Variants in PNPLA6 observed in about 807,000 individuals in gnomAD.
PNPLA6 encodes the protein patatin-like phospholipase domain-containing protein 6.
In PNPLA6, 105 loss-of-function variants were observed where a neutral mutation model predicts 153.7. The ratio of observed to expected loss-of-function variants is 0.68; its 90% CI spans 0.58 to 0.80. The LOEUF is 0.80. PNPLA6 is among the 30% of genes least tolerant of loss of function. PNPLA6 has a pLI of 0.00. For synonymous variants in PNPLA6, 825 were observed against 822.2 expected (o/e 1.00, Z -0.06); for missense variants, 1,423 against 1,919.3 (o/e 0.74, Z 4.83).
At chr19:7,548,948 G>A (rs546900038) in intron 13 of PNPLA6, among the ~76,000 whole-genome samples, 2 of 149,902 alleles carry the variant, frequency 1.3e-5, no homozygotes, top group Non-Finnish European at 3.0e-5. Context: ...GACTACAGGC[G>A]CCCGCCACCA....
intron 17 of PNPLA6, 81 bp downstream of exon 17, chr19:7,551,188 G>C (rs2023631878): frequency 1.2e-6 from 1 of 858,934 alleles, no homozygotes. Flanking sequence ...TGTGGGCGGG[G>C]CTTACAGAGG....
At chr19:7,534,513 T>A (rs528151512), upstream of PNPLA6, 21 of 155,322 alleles carry the variant, frequency 1.4e-4, no homozygotes, top group African/African-American at 4.8e-4. Context: ...ATTCTAGCGA[T>A]GTCAGAAACA....
At chr19:7,538,446 G>A (rs1407529890) in intron 3 of PNPLA6, among the ~76,000 whole-genome samples, 3 of 152,142 alleles carry the variant, frequency 2.0e-5, no homozygotes, top group Non-Finnish European at 2.9e-5. Flanking sequence ...GCCTCCCAAA[G>A]TGCTGGTATT....
At position 7,558,828 on chromosome 19, in the gene PNPLA6, G is replaced by A. The variant is rs373411790; in HGVS notation, c.3398-22G>A. The A allele has an allele frequency of 5.5e-5, 87 of 1,594,252 alleles. No homozygotes were observed. The African/African-American group carries it at 6.4e-4, about 12-fold the overall frequency. ...CCCGGGCCCCCGAGGGGAGCAGCCCGCTGACCCCCCTGGCCCCACAGCGGA... is the reference window on the plus strand; with the variant it reads ...CCCGGGCCCCCGAGGGGAGCAGCCCACTGACCCCCCTGGCCCCACAGCGGA... On this transcript the variant is annotated intron_variant, in intron 27 of 31. Coordinates refer to ENST00000600737, the MANE Select transcript of PNPLA6 (RefSeq NM_001166114.2).
rs1465310801 is a variant in PNPLA6, at chr19:7,541,868, G to A, written c.1169-116G>A. 3.6e-6 allele frequency: 4 copies of A among 1,120,428 alleles called. No homozygotes were observed. Among genetic ancestry groups the A allele is most frequent in the Non-Finnish European group, 5.3e-6 (4 of 749,932 alleles). 69.4% of individuals were successfully genotyped at this position (1,120,428 alleles called of 1,614,324 possible). Reference sequence around the variant, plus strand: ...AGGAAGCTGTGGCCTCGTCCCCAAGGGCCCATTGGAATTGCTTTAACTAGT... The same window carrying A: ...AGGAAGCTGTGGCCTCGTCCCCAAGAGCCCATTGGAATTGCTTTAACTAGT... On this transcript the variant is annotated intron_variant, in intron 9 of 31. Transcript: ENST00000600737. The surrounding 1 kb of genome is among the most constrained non-coding windows in gnomAD (Gnocchi z 5.2).
At chr19:7,557,604 T>A in intron 27 of PNPLA6, 1 of 382,724 alleles carries the variant, frequency 2.6e-6, no homozygotes, top group East Asian at 6.4e-5. Context: ...GCCAACATGG[T>A]GAAACCCCGT....
upstream of PNPLA6, chr19:7,535,285 C>A (rs946911604): frequency 1.5e-5 from 9 of 595,582 alleles, no homozygotes; most frequent in Non-Finnish European, 2.4e-5. This position sits in a 1 kb window ranked among gnomAD's most constrained non-coding sequence, Gnocchi z 5.0. Flanking sequence ...GCGAAGGGAG[C>A]AGGAAGCCGG....
rs1398169936 is a variant in PNPLA6, at chr19:7,536,184, T to TC, written c.233-3dup. ...CTCGGAGTGCCCCTGTCCCCACCTATCCCCAGAAACCCCAGCCCCGGATGG... is the reference window on the plus strand; with the variant it reads ...CTCGGAGTGCCCCTGTCCCCACCTATCCCCCAGAAACCCCAGCCCCGGATGG... On this transcript the variant is annotated splice_polypyrimidine_tract_variant and splice_region_variant and intron_variant, in intron 1 of 31. Transcript: ENST00000600737. 3 of 1,601,628 alleles carry TC rather than the reference T, an allele frequency of 1.9e-6. No homozygotes were observed. Among genetic ancestry groups the TC allele is most frequent in the Non-Finnish European group, 2.6e-6 (3 of 1,168,922 alleles).
intron 27 of PNPLA6, among the ~76,000 whole-genome samples, chr19:7,558,611 G>A (rs558322188): frequency 2.0e-5 from 3 of 152,264 alleles, no homozygotes; most frequent in South Asian, 2.1e-4. Context: ...CAGCCTGGGC[G>A]ACAGAGTGAG....
At chr19:7,556,893 GT>G in intron 26 of PNPLA6, 169 bp downstream of exon 26, 1 of 702,154 alleles carries the variant, frequency 1.4e-6, no homozygotes, top group East Asian at 2.7e-5. Flanking sequence ...GAGACCCCAG[GT>G]ACGTCCGTCC....
rs2023076431 is a variant in PNPLA6 at position 7,540,392 on chromosome 19, TTTGG to T, written c.714+85_714+88del. On this transcript the variant is annotated intron_variant, in intron 5 of 31. Coordinates refer to ENST00000600737, the MANE Select transcript of PNPLA6 (RefSeq NM_001166114.2). This position sits in a 1 kb window ranked among gnomAD's most constrained non-coding sequence, Gnocchi z 6.8. ...GCATTGGTCTGTAGAGCTGGTGGTCTTTGGAGATGCGTCATCGGGAGTCAGGGGA... is the reference window on the plus strand; with the variant it reads ...GCATTGGTCTGTAGAGCTGGTGGTCTAGATGCGTCATCGGGAGTCAGGGGA... 8.3e-6 allele frequency: 12 copies of T among 1,444,678 alleles called. No homozygotes were observed. In the East Asian group the frequency reaches 2.5e-4, roughly 31 times the overall value. The allele number at this position is 1,444,678 out of a possible 1,614,324, so 89.5% of individuals were successfully genotyped here.
Position 7,554,700 on chromosome 19 carries a change from G to C in PNPLA6, c.2611G>C (p.Asp871His), listed in dbSNP as rs745522251. ...CTGCATCCTCATTGTGGGCCTGGGG[G>C]ACCAGGAGCCTACCCTCGGCCAGGT... is the stretch of plus-strand genomic sequence containing the variant. The part of the protein sequence containing the change: ...ADCILIVGLG[D>H]QEPTLGQLEQ... The change falls in exon 21 of 32, where the codon GAC (aspartate) becomes CAC (histidine). Residue 871 changes from aspartate (D) to histidine (H), a missense_variant. Coordinates refer to ENST00000600737, the MANE Select transcript of PNPLA6 (RefSeq NM_001166114.2). The C allele has an allele frequency of 1.9e-6, 3 of 1,613,548 alleles. No individual in the cohort carries two copies. Among genetic ancestry groups the C allele is most frequent in the Non-Finnish European group, 2.5e-6 (3 of 1,179,970 alleles).
rs1297387632 is a variant in PNPLA6 at position 7,558,700 on chromosome 19, T to C, written c.3398-150T>C. On this transcript the variant is annotated intron_variant, in intron 27 of 31. Transcript: ENST00000600737. ...ACTTCAGTTGCATCATTTGCACGTC[T>C]GTGCATGACAGCATGGTGTTTGCAT... 3 of 640,588 alleles carry C rather than the reference T, an allele frequency of 4.7e-6. No homozygotes were observed. In the African/African-American group the frequency reaches 5.5e-5, roughly 12 times the overall value. 39.7% of individuals were successfully genotyped at this position (640,588 alleles called of 1,614,324 possible).
chr19:7,543,109 C>A, intron 13 of PNPLA6, 25 bp downstream of exon 13: 1 of 1,594,502 alleles, frequency 6.3e-7, no homozygotes, highest in Non-Finnish European at 8.6e-7. Context: ...TGACCTGTAA[C>A]CATGCCACCT....
intron 13 of PNPLA6, among the ~76,000 whole-genome samples, chr19:7,543,820 T>C (rs1298613004): frequency 6.6e-6 from 1 of 151,558 alleles, no homozygotes; most frequent in Non-Finnish European, 1.5e-5. Flanking sequence ...TTTCTTTTTT[T>C]TTTTTTTTGA....
Position 7,554,627 on chromosome 19 carries a change from G to C in PNPLA6, c.2538G>C (p.Thr846=). Reference sequence around the variant, plus strand: ...CACACCGTATCGTACTCTACCAGACGGACGCCTCGCTGACGCCCTGGACCG... The same window carrying C: ...CACACCGTATCGTACTCTACCAGACCGACGCCTCGCTGACGCCCTGGACCG... ...EDAHRIVLYQ[T]DASLTPWTVR... is the part of the protein sequence containing the mutation. Residue 846 remains threonine, a synonymous_variant, in exon 21 of 32, where the codon ACG becomes ACC. Transcript: ENST00000600737. The C allele has an allele frequency of 1.9e-6, 3 of 1,614,036 alleles. No individual in the cohort carries two copies. Among genetic ancestry groups the C allele is most frequent in the Non-Finnish European group, 2.5e-6 (3 of 1,180,020 alleles).
Position 7,554,731 on chromosome 19 carries a change from G to A in PNPLA6, c.2634+8G>A, listed in dbSNP as rs199722974. 1 of 1,611,356 alleles carries A rather than the reference G, an allele frequency of 6.2e-7. No individual in the cohort carries two copies. Among genetic ancestry groups the A allele is most frequent in the African/African-American group, 1.3e-5 (1 of 75,014 alleles). ...GAGCCTACCCTCGGCCAGGTCGGAA[G>A]CCCGTGCCCCCTGATCTCACCCACC... On this transcript the variant is annotated splice_region_variant and intron_variant, in intron 21 of 31. Coordinates refer to ENST00000600737, the MANE Select transcript of PNPLA6 (RefSeq NM_001166114.2).
rs661825 is a variant in PNPLA6, at chr19:7,551,588, C to G, written c.2260+151C>G. The G allele has an allele frequency of 0.54, 377,801 of 705,918 alleles. 103,658 individuals are homozygous for G. The highest frequency in any genetic ancestry group is 0.69 in the Admixed American group (33,498 of 48,860). 43.7% of individuals were successfully genotyped at this position (705,918 alleles called of 1,614,324 possible). A position where few individuals can be genotyped will look rare whatever the true frequency, so the allele number is the denominator to read the frequency against. The stretch of plus-strand genomic sequence containing the variant: ...AGGGTTTCAAACCCTAAGTAGGACC[C>G]AGGTGCAGAGCATTCTGGGGAATGG... On this transcript the variant is annotated intron_variant, in intron 18 of 31. Transcript: ENST00000600737.
chr19:7,561,080 A>T lies in PNPLA6; in HGVS notation c.3883A>T (p.Thr1295Ser). The change falls in exon 30 of 32, where the codon ACG becomes TCG. Residue 1295 changes from threonine (T) to serine (S), a missense_variant. Around this residue, in one of 10 missense-constraint regions of PNPLA6, gnomAD observed 643 missense variants for 835.2 expected, o/e 0.77. Transcript: ENST00000600737. ...GATTGTGTCCCGGATTGAGCCCCCC[A>T]CGAGCTATGTCTCTGATGGCTGTGC... is the stretch of plus-strand genomic sequence containing the variant. ...AEIVSRIEPP[T>S]SYVSDGCADG... 1 of 1,612,920 alleles carries T rather than the reference A, an allele frequency of 6.2e-7. No homozygotes were observed. The highest frequency in any genetic ancestry group is 8.5e-7 in the Non-Finnish European group (1 of 1,179,618).
Sources: allele counts gnomAD v4.1 joint callset (sites outside exome capture counted in the v4.1 genomes callset), GRCh38; gene constraint gnomAD v4.1.1; regional missense constraint gnomAD v4.1.1; non-coding constraint Gnocchi (gnomAD v3.1); transcripts MANE v1.5; gene names NCBI Gene and HGNC (gene_info 2026-07-23, HGNC 2026-07-21).